The following CSMD2 variants were observed in gnomAD, a reference collection of about 807,000 sequenced individuals.
The protein encoded by CSMD2 is CUB and Sushi multiple domains 2.
Under a neutral mutation model 398.5 loss-of-function variants are expected in CSMD2, and 130 were observed. The observed-to-expected ratio is 0.33, with a 90% CI of 0.28 to 0.38. The LOEUF (loss-of-function observed/expected upper bound fraction) is 0.38. CSMD2 is among the 10% of genes least tolerant of loss of function. The pLI, the probability that CSMD2 is intolerant of heterozygous loss-of-function variation, is 1.00. For missense variants in CSMD2, 3,829 were observed against 4,764.9 expected, an observed-to-expected ratio of 0.80 and a Z score of 5.78; for synonymous variants, 1,828 against 1,908.5, an observed-to-expected ratio of 0.96 and a Z score of 1.10.
Position 34,089,149 on chromosome 1 carries a change from C to T in CSMD2, c.232G>A (p.Glu78Lys). The T allele has an allele frequency of 6.2e-7, 1 of 1,614,166 alleles. No individual in the cohort carries two copies. Among genetic ancestry groups the T allele is most frequent in the South Asian group, 1.1e-5 (1 of 91,068 alleles). ...TAGCCATATGGGAACCCTGGGCTCT[C>T]AACTGTCCCATTGGGACCGTGCAGT... ...FQLHGPNGTV[E>K]SPGFPYGYPN... Residue 78 changes from glutamate to lysine, a missense_variant, in exon 2 of 71, where the codon GAG becomes AAG. Physicochemically the swap from Glu to Lys is moderately conservative, Grantham distance 56. Around this residue, in one of 5 missense-constraint regions of CSMD2, gnomAD observed 184 missense variants for 217.7 expected, o/e 0.85. Coordinates refer to ENST00000373381, the MANE Select transcript of CSMD2 (RefSeq NM_001281956.2).
chr1:33,592,274 G>A (rs1460573762), intron 44 of CSMD2: 19 of 681,564 alleles, frequency 2.8e-5, no homozygotes, highest in Non-Finnish European at 4.6e-5. Flanking sequence ...AAGTAGAAGA[G>A]CAGCAATCCA....
chr1:33,620,374 T>A (rs1462499414), intron 37 of CSMD2, among the ~76,000 whole-genome samples: 1 of 152,192 alleles, frequency 6.6e-6, no homozygotes, highest in African/African-American at 2.4e-5. Context: ...CTCCTAGGAA[T>A]TCCAGTCTCC....
At chr1:33,560,858 A>G (rs1265260384) in intron 53 of CSMD2, among the ~76,000 whole-genome samples, 1 of 152,220 alleles carries the variant, frequency 6.6e-6, no homozygotes, top group African/African-American at 2.4e-5. Flanking sequence ...AGTGTGATAA[A>G]TATTTGCTGA....
In CSMD2 at chr1:33,625,215, G is replaced by C. The variant is rs750321030; in HGVS notation, c.5336C>G (p.Pro1779Arg). The C allele has an allele frequency of 1.8e-5, 29 of 1,613,362 alleles. 1 individual carries two copies. In the South Asian group the frequency reaches 3.1e-4, roughly 17 times the overall value. The change falls in exon 34 of 71, where the codon CCG becomes CGG. Residue 1779 changes from proline to arginine, a missense_variant. Physicochemically the swap from Pro to Arg is moderately radical, Grantham distance 103 (BLOSUM62 -2). This residue lies in a region of CSMD2 where 2,001 missense variants were observed against 2,567.1 expected (regional missense o/e 0.78). Transcript: ENST00000373381. ...RTSATQCSSVPEPRYGKRLGS... is the reference protein window; with the variant it reads ...RTSATQCSSVREPRYGKRLGS... ...CAGCCTCTTGCCATAGCGGGGTTCC[G>C]GCACAGAGCTGCACTGCGTGGCGCT...
At chr1:33,734,604 G>A (rs1447149956) in intron 15 of CSMD2, among the ~76,000 whole-genome samples, 1 of 152,082 alleles carries the variant, frequency 6.6e-6, no homozygotes, top group African/African-American at 2.4e-5. Context: ...GGCCAACATA[G>A]TGAAACCCCG....
At chr1:34,060,412 A>G (rs775873432) in intron 2 of CSMD2, among the ~76,000 whole-genome samples, 1 of 152,252 alleles carries the variant, frequency 6.6e-6, no homozygotes, top group Non-Finnish European at 1.5e-5. Context: ...ATGTATTTAT[A>G]TACTGAAAAC....
Position 34,111,498 on chromosome 1 carries a change from T to C in CSMD2, c.188-22305A>G, listed in dbSNP as rs142660167. ...GATGCATGTGTCAGTAAGCAGGAAG[T>C]TGAAGGAATTTCAGCCATCATTTAT... is the stretch of plus-strand genomic sequence containing the variant. On this transcript the variant is annotated intron_variant, in intron 1 of 70. Coordinates refer to ENST00000373381, the MANE Select transcript of CSMD2 (RefSeq NM_001281956.2). Among the ~76,000 whole-genome samples the C allele has an allele frequency of 7.9e-3, 1,206 of 152,308 alleles. 5 individuals carry two copies. Among genetic ancestry groups the C allele is most frequent in the Middle Eastern group, 0.014 (4 of 294 alleles).
intron 3 of CSMD2, among the ~76,000 whole-genome samples, chr1:33,994,445 T>C (rs1646662471): frequency 1.3e-5 from 2 of 152,118 alleles, no homozygotes. Context: ...GCACCATGGA[T>C]GGCCGTTTTC....
At chr1:33,781,733 T>C (rs548360978) in intron 12 of CSMD2, among the ~76,000 whole-genome samples, 1 of 152,332 alleles carries the variant, frequency 6.6e-6, no homozygotes, top group African/African-American at 2.4e-5. Flanking sequence ...AATTTTATAA[T>C]GTTTCTGGTA....
At chr1:33,711,971 A>T (rs1646006925) in intron 21 of CSMD2, among the ~76,000 whole-genome samples, 1 of 152,194 alleles carries the variant, frequency 6.6e-6, no homozygotes, top group Non-Finnish European at 1.5e-5. Flanking sequence ...AGAGTCTCCA[A>T]AGTAACAGGG....
At chr1:33,643,335 A>C (rs1643220155) in intron 29 of CSMD2, among the ~76,000 whole-genome samples, 1 of 152,222 alleles carries the variant, frequency 6.6e-6, no homozygotes, top group Non-Finnish European at 1.5e-5. Flanking sequence ...TACATGTGCA[A>C]AACATTATGC....
rs1382134362 is a variant in CSMD2, at chr1:33,518,586, T to C, written c.*53+879A>G. ...GTGAAGGTATCTTTTTAGATAAAAT[T>C]AACTTTGAAATCAGTAGACTTTGAG... On this transcript the variant is annotated intron_variant, in intron 70 of 70. Coordinates refer to ENST00000373381, the MANE Select transcript of CSMD2 (RefSeq NM_001281956.2). The surrounding 1 kb of genome is among the most constrained non-coding windows in gnomAD (Gnocchi z 4.3). Among the ~76,000 whole-genome samples, 1 of 152,146 alleles carries C rather than the reference T, an allele frequency of 6.6e-6. No individual in the cohort carries two copies. Among genetic ancestry groups the C allele is most frequent in the Non-Finnish European group, 1.5e-5 (1 of 68,028 alleles).
chr1:33,988,365 G>T (rs561823250), intron 3 of CSMD2, among the ~76,000 whole-genome samples: 41 of 152,268 alleles, frequency 2.7e-4, no homozygotes, highest in African/African-American at 9.1e-4. Context: ...AAGCTGGGCT[G>T]GGAATGGGAG....
intron 10 of CSMD2, among the ~76,000 whole-genome samples, chr1:33,793,107 A>G (rs1439093765): frequency 6.6e-6 from 1 of 152,242 alleles, no homozygotes; most frequent in East Asian, 1.9e-4. Flanking sequence ...CACAGTGAGC[A>G]TGACATGGTA....
At chr1:33,570,076 G>A (rs764579689) in intron 51 of CSMD2, among the ~76,000 whole-genome samples, 4 of 152,134 alleles carry the variant, frequency 2.6e-5, no homozygotes, top group Non-Finnish European at 4.4e-5. Flanking sequence ...AAACGCTTGG[G>A]ACTACTCTGC....
chr1:34,109,113 A>G (rs568264247), intron 1 of CSMD2, among the ~76,000 whole-genome samples: 1 of 152,334 alleles, frequency 6.6e-6, no homozygotes, highest in African/African-American at 2.4e-5. Flanking sequence ...AGGTTCACTC[A>G]TGAAGACAGT....
chr1:33,987,988 A>G (rs1443734752), intron 3 of CSMD2, among the ~76,000 whole-genome samples: 1 of 152,168 alleles, frequency 6.6e-6, no homozygotes, highest in East Asian at 1.9e-4. Context: ...CAAATCCAGT[A>G]GCTTTAGCCA....
At chr1:33,959,077 A>G (rs926716679) in intron 3 of CSMD2, among the ~76,000 whole-genome samples, 2 of 152,120 alleles carry the variant, frequency 1.3e-5, no homozygotes, top group African/African-American at 4.8e-5. Context: ...ATCAGATAAC[A>G]TGTGCTTCCC....
chr1:33,864,023 C>T, intron 5 of CSMD2: 1 of 626,468 alleles, frequency 1.6e-6, no homozygotes, highest in South Asian at 2.1e-5. Flanking sequence ...TTTCCCTCCT[C>T]TGACTCAACA....
Sources: allele counts gnomAD v4.1 joint callset (sites outside exome capture counted in the v4.1 genomes callset), GRCh38; gene constraint gnomAD v4.1.1; regional missense constraint gnomAD v4.1.1; non-coding constraint Gnocchi (gnomAD v3.1); transcripts MANE v1.5; gene names NCBI Gene and HGNC (gene_info 2026-07-23, HGNC 2026-07-21).